ITPK1: variants seen among roughly 807,000 people sequenced by gnomAD.
The protein encoded by ITPK1 is inositol-tetrakisphosphate 1-kinase.
Under a neutral mutation model 45.3 loss-of-function variants are expected in ITPK1, and 21 were observed. The observed-to-expected ratio is 0.46, with a 90% CI of 0.33 to 0.67. The LOEUF (loss-of-function observed/expected upper bound fraction) is 0.67. ITPK1 is among the 30% of genes least tolerant of loss of function. The pLI is 0.02. For synonymous variants in ITPK1, 258 were observed against 253.6 expected (o/e 1.02, Z -0.16); for missense variants, 474 against 573.5 (o/e 0.83, Z 1.77).
chr14:92,994,822 C>T (rs148120420), intron 4 of ITPK1, among the ~76,000 whole-genome samples: 1 of 152,314 alleles, frequency 6.6e-6, no homozygotes, highest in African/African-American at 2.4e-5. Flanking sequence ...TGTGTCCTCT[C>T]AAGTCTTAAC....
chr14:92,941,926 C>G (rs1214204390), intron 10 of ITPK1, 22 bp from the exon 11 acceptor site: 3 of 1,604,348 alleles, frequency 1.9e-6, no homozygotes, highest in Non-Finnish European at 2.6e-6. Flanking sequence ...AGAGAGACAG[C>G]ACAAGGGGCG....
chr14:92,952,239 G>C (rs1054083670), intron 8 of ITPK1, among the ~76,000 whole-genome samples: 3 of 152,158 alleles, frequency 2.0e-5, no homozygotes, highest in South Asian at 2.1e-4. Flanking sequence ...CCGATGTAAT[G>C]AGCTGACCTC....
At chr14:92,984,952 A>C (rs1413205889) in intron 5 of ITPK1, among the ~76,000 whole-genome samples, 1 of 152,262 alleles carries the variant, frequency 6.6e-6, no homozygotes, top group East Asian at 1.9e-4. Context: ...AAAGGAAAAA[A>C]TAGAAATTTA....
chr14:92,962,332 C>G, intron 7 of ITPK1, 23 bp downstream of exon 7: 2 of 1,580,260 alleles, frequency 1.3e-6, no homozygotes, highest in Non-Finnish European at 1.7e-6. Flanking sequence ...TCAGGGACAA[C>G]AGTCAGATCT....
At chr14:93,045,413 A>G (rs1889730896) in intron 3 of ITPK1, among the ~76,000 whole-genome samples, 1 of 152,206 alleles carries the variant, frequency 6.6e-6, no homozygotes, top group African/African-American at 2.4e-5. Flanking sequence ...CCCCTGCCCC[A>G]TAACAAAGAC....
chr14:92,993,768 C>A, intron 5 of ITPK1, 112 bp downstream of exon 5: 1 of 705,586 alleles, frequency 1.4e-6, no homozygotes, highest in South Asian at 1.6e-5. Flanking sequence ...GCTTCCTGCC[C>A]CAAAGTGCTT....
intron 5 of ITPK1, among the ~76,000 whole-genome samples, chr14:92,991,011 G>T (rs566496207): frequency 4.0e-5 from 6 of 151,292 alleles, no homozygotes; most frequent in Admixed American, 6.6e-5. Context: ...TGCCGGGGCA[G>T]GGGGGGTGAC....
chr14:93,092,381 C>T (rs765264786), intron 2 of ITPK1, among the ~76,000 whole-genome samples: 4 of 152,176 alleles, frequency 2.6e-5, no homozygotes, highest in Non-Finnish European at 5.9e-5. Flanking sequence ...GGAAGCCAGG[C>T]GCTCTGACTC....
At chr14:92,995,354 A>G (rs1480489458) in intron 4 of ITPK1, among the ~76,000 whole-genome samples, 1 of 152,176 alleles carries the variant, frequency 6.6e-6, no homozygotes, top group Non-Finnish European at 1.5e-5. Context: ...CTTCCTAGTG[A>G]GCCTTATGGA....
chr14:93,057,679 G>A (rs200470292), intron 3 of ITPK1, among the ~76,000 whole-genome samples: 1 of 152,190 alleles, frequency 6.6e-6, no homozygotes, highest in African/African-American at 2.4e-5. Context: ...GAGCCCGGCC[G>A]AGGCCATGCA....
chr14:93,005,106 C>T (rs1566729314), intron 4 of ITPK1, among the ~76,000 whole-genome samples: 1 of 151,560 alleles, frequency 6.6e-6, no homozygotes, highest in Non-Finnish European at 1.5e-5. Flanking sequence ...ATGGAGTGAC[C>T]AGTCCAGCAG....
chr14:93,008,615 C>T (rs1430186915), intron 4 of ITPK1, among the ~76,000 whole-genome samples: 1 of 152,220 alleles, frequency 6.6e-6, no homozygotes, highest in Non-Finnish European at 1.5e-5. Context: ...GGGCCGAGGT[C>T]AGCAGAGGCC....
intron 2 of ITPK1, among the ~76,000 whole-genome samples, chr14:93,101,722 C>T (rs559376501): frequency 3.3e-5 from 5 of 152,222 alleles, no homozygotes; most frequent in Admixed American, 6.5e-5. Context: ...TGGAGGCGTG[C>T]GCTTGTGACT....
intron 3 of ITPK1, chr14:93,072,048 CT>C (rs1249872791): frequency 6.6e-6 from 1 of 151,308 alleles, no homozygotes; most frequent in African/African-American, 2.4e-5. Context: ...AATCCCAGCA[CT>C]TTGGGAGGCC....
intron 3 of ITPK1, among the ~76,000 whole-genome samples, chr14:93,027,325 G>C (rs933458491): frequency 6.6e-6 from 1 of 152,034 alleles, no homozygotes; most frequent in African/African-American, 2.4e-5. Flanking sequence ...TGGAGTCTGA[G>C]AGTCAGACAG....
At chr14:92,979,829 T>C (rs1214725703) in intron 5 of ITPK1, among the ~76,000 whole-genome samples, 1 of 151,844 alleles carries the variant, frequency 6.6e-6, no homozygotes, top group Non-Finnish European at 1.5e-5. Flanking sequence ...TTTTTTTTTT[T>C]TGGAGACAGA....
At position 92,946,341 on chromosome 14, in the gene ITPK1, A is replaced by G; in HGVS notation, c.891T>C (p.Asn297=). The part of the protein sequence containing the change: ...QTGQHAVIDI[N]AFPGYEGVSE... ...CTGGCCGCCACTCACCTGGGAAGGCATTGATGTCAATGACGGCGTGCTGCC... is the reference window on the plus strand; with the variant it reads ...CTGGCCGCCACTCACCTGGGAAGGCGTTGATGTCAATGACGGCGTGCTGCC... Residue 297 remains asparagine (N), a synonymous_variant, in exon 10 of 11, where the codon AAT becomes AAC. Coordinates refer to ENST00000267615, the MANE Select transcript of ITPK1 (RefSeq NM_014216.6). 1 of 1,613,324 alleles carries G rather than the reference A, an allele frequency of 6.2e-7. No individual in the cohort carries two copies. The highest frequency in any genetic ancestry group is 2.2e-5 in the East Asian group (1 of 44,870).
intron 4 of ITPK1, among the ~76,000 whole-genome samples, chr14:93,008,129 C>T (rs543874542): frequency 5.9e-5 from 9 of 152,354 alleles, no homozygotes; most frequent in South Asian, 2.1e-4. Flanking sequence ...CCCTTGCCTG[C>T]TCCCCTCCTG....
At chr14:92,944,048 C>T (rs2139697466) in intron 10 of ITPK1, among the ~76,000 whole-genome samples, 1 of 152,350 alleles carries the variant, frequency 6.6e-6, no homozygotes, top group East Asian at 1.9e-4. Flanking sequence ...TTGCACAACG[C>T]CTCGTGAGGA....
Sources: gnomAD v4.1 joint callset for allele counts (sites outside exome capture counted in the v4.1 genomes callset) on GRCh38, gnomAD v4.1.1 for gene constraint, MANE v1.5 for transcripts, NCBI Gene and HGNC (gene_info 2026-07-23, HGNC 2026-07-21) for gene names.